NUP214: variants seen among roughly 807,000 people sequenced by gnomAD.
NUP214 encodes nuclear pore complex protein Nup214.
Under a neutral mutation model 196.2 loss-of-function variants are expected in NUP214, and 79 were observed. The ratio of observed to expected loss-of-function variants is 0.40; its 90% CI spans 0.34 to 0.49. The LOEUF is 0.49. Ranked by LOEUF, NUP214 falls within the 20% of genes least tolerant of loss-of-function variation. The pLI, the probability that NUP214 is intolerant of heterozygous loss-of-function variation, is 0.58. For synonymous variants in NUP214, 1,020 were observed against 990.5 expected (o/e 1.03, Z -0.56); for missense variants, 2,468 against 2,539.0 (o/e 0.97, Z 0.60).
chr9:131,129,353 G>T lies in NUP214; in HGVS notation c.468G>T (p.Lys156Asn), dbSNP rs1422606336. The change falls in exon 4 of 36, where the codon AAG becomes AAT. Residue 156 changes from lysine (K) to asparagine (N), a missense_variant. Coordinates refer to ENST00000359428, the MANE Select transcript of NUP214 (RefSeq NM_005085.4). ...CAGGAGGCATGGTGATTGATATGAA[G>T]TGGAACCCCACTGTCCCCTCCATGG... ...KDAGGMVIDM[K>N]WNPTVPSMVA... 1.2e-6 allele frequency: 2 copies of T among 1,614,208 alleles called. No individual in the cohort carries two copies. Among genetic ancestry groups the T allele is most frequent in the Admixed American group, 1.7e-5 (1 of 60,018 alleles).
At chr9:131,152,800 G>A in intron 17 of NUP214, among the ~76,000 whole-genome samples, 1 of 143,336 alleles carries the variant, frequency 7.0e-6, no homozygotes, top group East Asian at 2.0e-4. Flanking sequence ...TTTTTTTTTT[G>A]AGACTGAGTC....
chr9:131,158,805 T>C (rs116559419), intron 17 of NUP214, among the ~76,000 whole-genome samples: 1 of 152,268 alleles, frequency 6.6e-6, no homozygotes, highest in African/African-American at 2.4e-5. Context: ...TGTTTCCCTT[T>C]TCATTGTACC....
intron 24 of NUP214, among the ~76,000 whole-genome samples, chr9:131,186,558 C>T (rs1833454179): frequency 6.6e-6 from 1 of 152,134 alleles, no homozygotes; most frequent in Non-Finnish European, 1.5e-5. Flanking sequence ...GCTGGGCTGA[C>T]AACAGATAAA....
chr9:131,212,215 T>C (rs1007594988), intron 30 of NUP214, among the ~76,000 whole-genome samples: 1 of 152,174 alleles, frequency 6.6e-6, no homozygotes, highest in Non-Finnish European at 1.5e-5. Flanking sequence ...GATTGTCTGC[T>C]CTCAAACCCT....
rs371140659 is a variant in NUP214 at position 131,129,404 on chromosome 9, T to C, written c.519T>C (p.Ser173=). The C allele has an allele frequency of 2.5e-6, 4 of 1,614,218 alleles. No individual in the cohort carries two copies. The highest frequency in any genetic ancestry group is 3.4e-6 in the Non-Finnish European group (4 of 1,180,040). The change falls in exon 4 of 36, where the codon AGT becomes AGC. Residue 173 remains serine, a synonymous_variant. Coordinates refer to ENST00000359428, the MANE Select transcript of NUP214 (RefSeq NM_005085.4). Reference sequence around the variant, plus strand: ...TGGCAGTTTGTCTGGCTGATGGTAGTATTGCTGTCCTGCAAGTCACGGAAA... The same window carrying C: ...TGGCAGTTTGTCTGGCTGATGGTAGCATTGCTGTCCTGCAAGTCACGGAAA... The part of the protein sequence containing the change: ...SMVAVCLADG[S]IAVLQVTETV...
rs755829610 is a variant in NUP214 at position 131,127,619 on chromosome 9, A to G, written c.141A>G (p.Lys47=). Residue 47 remains lysine, a synonymous_variant, in exon 2 of 36, where the codon AAA becomes AAG. Coordinates refer to ENST00000359428, the MANE Select transcript of NUP214 (RefSeq NM_005085.4). ...CGAGTCTGCTTGCTGTGTCCAACAA[A>G]TATGGTCTGGTCTTCGCTGGTGGAG... ...ERSSLLAVSN[K]YGLVFAGGAS... 3 of 1,614,178 alleles carry G rather than the reference A, an allele frequency of 1.9e-6. No homozygotes were observed. Among genetic ancestry groups the G allele is most frequent in the East Asian group, 2.2e-5 (1 of 44,872 alleles).
At chr9:131,177,188 G>A (rs1032374943) in intron 23 of NUP214, among the ~76,000 whole-genome samples, 1 of 152,112 alleles carries the variant, frequency 6.6e-6, no homozygotes, top group Non-Finnish European at 1.5e-5. Flanking sequence ...TAAGTCAAAA[G>A]ATTGTAAAGA....
At chr9:131,140,518 G>T (rs373567540) in intron 10 of NUP214, 31 bp from the exon 11 acceptor site, 120 of 1,587,236 alleles carry the variant, frequency 7.6e-5, no homozygotes, top group South Asian at 4.4e-4. Context: ...AATTCACTTG[G>T]TTTTTTTATT....
At chr9:131,136,366 C>CAAAGCTTCAGTGACAGA (rs1831727970) in intron 9 of NUP214, 1 of 170,150 alleles carries the variant, frequency 5.9e-6, no homozygotes, top group South Asian at 1.6e-4. Flanking sequence ...TGCGTGACAG[C>CAAAGCTTCAGTGACAGA]AAAGCTTCAG....
chr9:131,197,027 G>T (rs770683842), intron 28 of NUP214, among the ~76,000 whole-genome samples, 189 bp from the exon 29 acceptor site: 1 of 152,064 alleles, frequency 6.6e-6, no homozygotes, highest in South Asian at 2.1e-4. Flanking sequence ...CACCTCAGAC[G>T]ACTCAGAGCT....
At chr9:131,129,574 G>T in intron 4 of NUP214, 97 bp downstream of exon 4, 4 of 1,248,332 alleles carry the variant, frequency 3.2e-6, no homozygotes, top group Admixed American at 2.0e-5. Flanking sequence ...TTTGTGTTTT[G>T]GTTTTTTTTT....
rs564819097 is a variant in NUP214 at position 131,192,241 on chromosome 9, C to T, written c.3608C>T (p.Thr1203Ile). The change falls in exon 27 of 36, where the codon ACC becomes ATC. Residue 1203 changes from threonine (T) to isoleucine (I), a missense_variant. Physicochemically the swap from Thr to Ile is moderately conservative, Grantham distance 89. Transcript: ENST00000359428. ...TAKIETAVTS[T>I]PSASGQFSKP... ...AAGATAGAAACAGCTGTGACTTCAA[C>T]CCCATCTGCTTCTGGGCAGTTCAGC... The T allele has an allele frequency of 3.0e-6, 4 of 1,338,366 alleles. No individual in the cohort carries two copies. In the South Asian group the frequency reaches 4.8e-5, roughly 16 times the overall value. The allele number at this position is 1,338,366 out of a possible 1,614,324, so 82.9% of individuals were successfully genotyped here.
intron 31 of NUP214, among the ~76,000 whole-genome samples, chr9:131,219,667 C>T (rs1049271354): frequency 2.6e-5 from 4 of 152,196 alleles, no homozygotes; most frequent in African/African-American, 9.7e-5. Context: ...GACCTGTTGC[C>T]TCCTTTAGTA....
chr9:131,201,311 A>G (rs1833931896), intron 29 of NUP214, among the ~76,000 whole-genome samples: 1 of 151,702 alleles, frequency 6.6e-6, no homozygotes, highest in Non-Finnish European at 1.5e-5. Context: ...TACTGAAAAT[A>G]CAAAAATTAG....
At chr9:131,193,629 C>CTTTTTTTTGTTGTTTT (rs1833678932) in intron 27 of NUP214, among the ~76,000 whole-genome samples, 1 of 28,218 alleles carries the variant, frequency 3.5e-5, no homozygotes, top group Non-Finnish European at 6.5e-5. Flanking sequence ...TCTTCCTTTT[C>CTTTTTTTTGTTGTTTT]TTTTTTTTTT....
chr9:131,166,531 A>G (rs1019223427), intron 21 of NUP214, among the ~76,000 whole-genome samples: 1 of 152,248 alleles, frequency 6.6e-6, no homozygotes, highest in South Asian at 2.1e-4. Context: ...ATTTAATGTT[A>G]GTGGGCATGC....
chr9:131,129,721 G>A (rs554995671), intron 4 of NUP214, among the ~76,000 whole-genome samples: 15 of 151,602 alleles, frequency 9.9e-5, no homozygotes, highest in Non-Finnish European at 7.4e-5. Flanking sequence ...CTCGTGCCTC[G>A]GCCACCCAAA....
At position 131,232,591 on chromosome 9, in the gene NUP214, G is replaced by T. The variant is rs1834910308; in HGVS notation, c.6239+283G>T. 1.9e-6 allele frequency: 1 copy of T among 530,466 alleles called. No individual in the cohort carries two copies. Among genetic ancestry groups the T allele is most frequent in the Non-Finnish European group, 3.4e-6 (1 of 294,608 alleles). 32.9% of individuals were successfully genotyped at this position (530,466 alleles called of 1,614,324 possible). A position where few individuals can be genotyped will look rare whatever the true frequency, so the allele number is the denominator to read the frequency against. On this transcript the variant is annotated intron_variant, in intron 35 of 35. Transcript: ENST00000359428. This position sits in a 1 kb window ranked among gnomAD's most constrained non-coding sequence, Gnocchi z 5.1. Reference sequence around the variant, plus strand: ...CTGGGCCTGAGGGCAGCGCTGAGGAGATGCTGCTCCTGACTTCCCTGGAGG... The same window carrying T: ...CTGGGCCTGAGGGCAGCGCTGAGGATATGCTGCTCCTGACTTCCCTGGAGG...
intron 30 of NUP214, among the ~76,000 whole-genome samples, chr9:131,211,189 T>C (rs1366213575): frequency 6.6e-6 from 1 of 152,212 alleles, no homozygotes; most frequent in African/African-American, 2.4e-5. Context: ...AATAAAACGG[T>C]ATAATTTCAG....
Sources: allele counts gnomAD v4.1 joint callset (sites outside exome capture counted in the v4.1 genomes callset), GRCh38; gene constraint gnomAD v4.1.1; non-coding constraint Gnocchi (gnomAD v3.1); transcripts MANE v1.5; gene names NCBI Gene and HGNC (gene_info 2026-07-23, HGNC 2026-07-21).